Variants in TBX15 observed in about 807,000 individuals in gnomAD.
TBX15 encodes the protein T-box transcription factor TBX15.
Under a neutral mutation model 53.9 loss-of-function variants are expected in TBX15, and 18 were observed. The observed-to-expected ratio is 0.33, with a 90% CI of 0.23 to 0.49. The LOEUF is 0.49. Among genes scored for constraint, TBX15 ranks in the 20% least tolerant of loss-of-function variants. TBX15 has a pLI of 0.98. For synonymous variants in TBX15, 295 were observed against 278.0 expected (o/e 1.06, Z -0.61); for missense variants, 692 against 749.5 (o/e 0.92, Z 0.90).
chr1:118,885,537 A>T, intron 7 of TBX15, 21 bp from the exon 8 acceptor site: 4 of 1,557,354 alleles, frequency 2.6e-6, no homozygotes, highest in South Asian at 2.4e-5. Context: ...AAACGTGAAT[A>T]CTATTGAGAC....
intron 1 of TBX15, among the ~76,000 whole-genome samples, chr1:118,981,863 C>T (rs557482035): frequency 3.9e-5 from 6 of 152,312 alleles, no homozygotes; most frequent in Admixed American, 3.9e-4. Context: ...GTATGTCAGT[C>T]ATGCACATAT....
At chr1:118,889,168 T>C (rs1654049930) in intron 7 of TBX15, among the ~76,000 whole-genome samples, 1 of 152,218 alleles carries the variant, frequency 6.6e-6, no homozygotes, top group Non-Finnish European at 1.5e-5. Context: ...AGAAATGCTC[T>C]TGTGAACATA....
At chr1:118,893,585 AG>A (rs201400961) in intron 7 of TBX15, among the ~76,000 whole-genome samples, 1 of 128,300 alleles carries the variant, frequency 7.8e-6, no homozygotes, top group African/African-American at 4.6e-5. Flanking sequence ...AAAGAAAGAA[AG>A]GAAGGAAGGA....
At chr1:118,958,431 G>T (rs999243788) in intron 1 of TBX15, among the ~76,000 whole-genome samples, 1 of 152,224 alleles carries the variant, frequency 6.6e-6, no homozygotes, top group Non-Finnish European at 1.5e-5. Context: ...GACTAAAACA[G>T]ACAGGATCAG....
chr1:118,892,675 CCTA>C (rs1409009264), intron 7 of TBX15, among the ~76,000 whole-genome samples: 1 of 152,038 alleles, frequency 6.6e-6, no homozygotes, highest in Non-Finnish European at 1.5e-5. Context: ...TGTTTTTTCT[CCTA>C]CTGGGTTTAT....
At chr1:118,926,673 A>G in intron 2 of TBX15, 62 bp from the exon 3 acceptor site, 1 of 1,394,168 alleles carries the variant, frequency 7.2e-7, no homozygotes, top group South Asian at 1.2e-5. Context: ...CAGGGGTAAA[A>G]GCTTAAACAA....
At chr1:118,914,501 G>A (rs1571169676) in intron 5 of TBX15, among the ~76,000 whole-genome samples, 1 of 152,124 alleles carries the variant, frequency 6.6e-6, no homozygotes, top group African/African-American at 2.4e-5. Context: ...TTGGTCAATG[G>A]TCACGTCCAT....
chr1:118,987,545 C>T (rs1378582757), intron 1 of TBX15, 46 bp downstream of exon 1: 2 of 1,524,780 alleles, frequency 1.3e-6, no homozygotes, highest in South Asian at 2.4e-5. Flanking sequence ...GGCCCTTCGG[C>T]GTCCCCTCTC....
intron 1 of TBX15, among the ~76,000 whole-genome samples, chr1:118,957,966 T>C (rs1041166601): frequency 1.3e-5 from 2 of 152,212 alleles, no homozygotes; most frequent in African/African-American, 4.8e-5. Context: ...TGCACACGTA[T>C]GTTTATTGCG....
At chr1:118,934,927 T>A (rs1655916126) in intron 1 of TBX15, among the ~76,000 whole-genome samples, 1 of 152,212 alleles carries the variant, frequency 6.6e-6, no homozygotes, top group South Asian at 2.1e-4. Flanking sequence ...GACTTTTATA[T>A]AAAGAATGTA....
chr1:118,885,150 G>T lies in TBX15; in HGVS notation c.1391C>A (p.Ala464Asp). 1 of 1,614,222 alleles carries T rather than the reference G, an allele frequency of 6.2e-7. No individual in the cohort carries two copies. The highest frequency in any genetic ancestry group is 8.5e-7 in the Non-Finnish European group (1 of 1,180,032). Residue 464 changes from alanine to aspartate, a missense_variant, in exon 8 of 8, where the codon GCC (alanine) becomes GAC (aspartate). Coordinates refer to ENST00000369429, the MANE Select transcript of TBX15 (RefSeq NM_001330677.2). Reference protein sequence around the residue: ...PSLPGNSKMEAYGGQLGSFPT... With the variant: ...PSLPGNSKMEDYGGQLGSFPT... ...AAAGGACCCCAGCTGGCCACCGTAG[G>T]CTTCCATCTTGCTGTTGCCAGGCAA...
intron 1 of TBX15, among the ~76,000 whole-genome samples, chr1:118,939,190 T>C (rs1346347076): frequency 6.6e-6 from 1 of 151,830 alleles, no homozygotes; most frequent in East Asian, 1.9e-4. Context: ...GCAGATCGCT[T>C]GAGCCCAGGA....
intron 1 of TBX15, among the ~76,000 whole-genome samples, chr1:118,958,315 C>A (rs1267492023): frequency 6.6e-6 from 1 of 152,164 alleles, no homozygotes; most frequent in African/African-American, 2.4e-5. Context: ...AGAGCCCAGC[C>A]CTGCTGTACC....
chr1:118,960,282 C>T (rs552453536), intron 1 of TBX15, among the ~76,000 whole-genome samples: 24 of 152,292 alleles, frequency 1.6e-4, no homozygotes, highest in East Asian at 9.7e-4. Flanking sequence ...TGCCACCTTC[C>T]GCCCAGTTCA....
chr1:118,951,366 C>T (rs967543161), intron 1 of TBX15, among the ~76,000 whole-genome samples: 7 of 152,170 alleles, frequency 4.6e-5, no homozygotes, highest in East Asian at 1.9e-4. Flanking sequence ...TAAGAAGCAA[C>T]GACAACTCTC....
At chr1:118,959,582 G>A (rs1656799053) in intron 1 of TBX15, among the ~76,000 whole-genome samples, 2 of 152,146 alleles carry the variant, frequency 1.3e-5, no homozygotes, top group South Asian at 4.1e-4. Context: ...CTGCTGTTGT[G>A]TTTTCCCTAA....
chr1:118,891,662 GTACATGCCT>G (rs1464616704), intron 7 of TBX15, among the ~76,000 whole-genome samples: 1 of 152,150 alleles, frequency 6.6e-6, no homozygotes, highest in Non-Finnish European at 1.5e-5. Flanking sequence ...TAGGAGAAAG[GTACATGCCT>G]TTTCCCATCA....
intron 5 of TBX15, among the ~76,000 whole-genome samples, chr1:118,917,985 G>C (rs1384185795): frequency 6.6e-6 from 1 of 152,182 alleles, no homozygotes; most frequent in African/African-American, 2.4e-5. Context: ...GTTCTGGAAT[G>C]TGCCAAGCTC....
chr1:118,943,615 C>G (rs534012105), intron 1 of TBX15, among the ~76,000 whole-genome samples: 1 of 152,268 alleles, frequency 6.6e-6, no homozygotes, highest in Non-Finnish European at 1.5e-5. Context: ...TCACCTTGAA[C>G]AGAGAAGCAG....
Sources: allele counts gnomAD v4.1 joint callset (sites outside exome capture counted in the v4.1 genomes callset), GRCh38; gene constraint gnomAD v4.1.1; transcripts MANE v1.5; gene names NCBI Gene and HGNC (gene_info 2026-07-23, HGNC 2026-07-21).